GALNT2: variants seen among roughly 807,000 people sequenced by gnomAD.
GALNT2 encodes UDP-GalNAc:polypeptide N-acetylgalactosaminyltransferase 2.
Under a neutral mutation model 81.4 loss-of-function variants are expected in GALNT2, and 31 were observed. The observed-to-expected ratio is 0.38, with a 90% CI of 0.29 to 0.51. The LOEUF (loss-of-function observed/expected upper bound fraction) is 0.51. Among genes scored for constraint, GALNT2 ranks in the 20% least tolerant of loss-of-function variants. The pLI is 0.87. For missense variants in GALNT2, 629 were observed against 765.7 expected (o/e 0.82, Z 2.11); for synonymous variants, 303 against 287.4 (o/e 1.05, Z -0.55).
chr1:230,237,914 C>T (rs1665081685), intron 6 of GALNT2, among the ~76,000 whole-genome samples: 1 of 151,738 alleles, frequency 6.6e-6, no homozygotes, highest in Non-Finnish European at 1.5e-5. Flanking sequence ...CACTTATGAG[C>T]CTTATCTAAC....
chr1:230,263,271 T>C (rs1665932436), intron 13 of GALNT2: 1 of 440,526 alleles, frequency 2.3e-6, no homozygotes, highest in Admixed American at 3.6e-5. Flanking sequence ...GTTTTTGGCT[T>C]GTTCTCCATT....
rs1218758631 is a variant in GALNT2 at position 230,243,205 on chromosome 1, G to A, written c.608-101G>A. ...CAGTAATGTCCGTGCCCAGAAAGCA[G>A]GCTGCAGAGCTGCGGGCAGGGAGGC... On this transcript the variant is annotated intron_variant, in intron 6 of 15. Transcript: ENST00000366672. This position sits in a 1 kb window ranked among gnomAD's most constrained non-coding sequence, Gnocchi z 4.2. 4 of 1,438,140 alleles carry A rather than the reference G, an allele frequency of 2.8e-6. No individual in the cohort carries two copies. The highest frequency in any genetic ancestry group is 3.7e-6 in the Non-Finnish European group (4 of 1,088,368). 89.1% of individuals were successfully genotyped at this position (1,438,140 alleles called of 1,614,324 possible).
In GALNT2 at chr1:230,243,670, C is replaced by T. The variant is rs1665275249; in HGVS notation, c.729+243C>T. 6.6e-6 allele frequency among the ~76,000 whole-genome samples: 1 copy of T among 152,180 alleles called. No individual in the cohort carries two copies. Among genetic ancestry groups the T allele is most frequent in the South Asian group, 2.1e-4 (1 of 4,832 alleles). On this transcript the variant is annotated intron_variant, in intron 7 of 15. Coordinates refer to ENST00000366672, the MANE Select transcript of GALNT2 (RefSeq NM_004481.5). The surrounding 1 kb of genome is among the most constrained non-coding windows in gnomAD (Gnocchi z 4.2). ...GAACCATCCGTTGACAGGTAGGAGG[C>T]GAGGATCAGCAGAGGCTGGTGAGAG... is the stretch of plus-strand genomic sequence containing the variant.
chr1:230,112,848 C>T (rs948072281), intron 1 of GALNT2, among the ~76,000 whole-genome samples: 1 of 152,088 alleles, frequency 6.6e-6, no homozygotes, highest in Non-Finnish European at 1.5e-5. Context: ...GGCTGTGAGC[C>T]AGGACAAAAT....
At chr1:230,163,493 AGTT>A (rs1188305560) in intron 1 of GALNT2, among the ~76,000 whole-genome samples, 1 of 152,188 alleles carries the variant, frequency 6.6e-6, no homozygotes. Flanking sequence ...CTCTGGGCTC[AGTT>A]TTTGTTGAGA....
chr1:230,243,610 CT>C lies in GALNT2; in HGVS notation c.729+184del, dbSNP rs1347103912. On this transcript the variant is annotated intron_variant, in intron 7 of 15. Transcript: ENST00000366672. The surrounding 1 kb of genome is among the most constrained non-coding windows in gnomAD (Gnocchi z 4.2). Reference sequence around the variant, plus strand: ...ATGCCTTTGGGGCATTGTAGAAAGACTGTTTTACTGGCTGTAGGAATCCATC... The same window carrying C: ...ATGCCTTTGGGGCATTGTAGAAAGACGTTTTACTGGCTGTAGGAATCCATC... Among the ~76,000 whole-genome samples the C allele has an allele frequency of 6.6e-6, 1 of 152,208 alleles. No homozygotes were observed. The highest frequency in any genetic ancestry group is 1.5e-5 in the Non-Finnish European group (1 of 68,046).
At chr1:230,236,907 T>C (rs1388443854) in intron 6 of GALNT2, among the ~76,000 whole-genome samples, 182 bp downstream of exon 6, 1 of 152,276 alleles carries the variant, frequency 6.6e-6, no homozygotes. Context: ...GCTTGACTAA[T>C]TGAAATTATT....
intron 3 of GALNT2, among the ~76,000 whole-genome samples, chr1:230,212,129 C>T (rs577170797): frequency 3.3e-5 from 5 of 152,212 alleles, no homozygotes; most frequent in Admixed American, 6.5e-5. Context: ...ATGAGGCAGA[C>T]GAGAAAGGTG....
chr1:230,267,129 TTTC>T (rs1485965397), intron 14 of GALNT2, among the ~76,000 whole-genome samples: 3 of 152,252 alleles, frequency 2.0e-5, no homozygotes, highest in Non-Finnish European at 4.4e-5. Context: ...GTGCTGCTTC[TTTC>T]TTCTTTTTCT....
chr1:230,146,944 C>T lies in GALNT2; in HGVS notation c.127-31274C>T, dbSNP rs112724739. On this transcript the variant is annotated intron_variant, in intron 1 of 15. Coordinates refer to ENST00000366672, the MANE Select transcript of GALNT2 (RefSeq NM_004481.5). ...CACTGTCAGATCTCGGTGTCTGTCC[C>T]GCTGGCCGCACTGTGTGGGAGTCGT... Among the ~76,000 whole-genome samples, 1,090 of 152,152 alleles carry T rather than the reference C, an allele frequency of 7.2e-3. 11 individuals carry two copies. The highest frequency in any genetic ancestry group is 9.5e-3 in the Non-Finnish European group (648 of 68,006).
At chr1:230,113,105 C>A (rs568394100) in intron 1 of GALNT2, among the ~76,000 whole-genome samples, 1 of 152,182 alleles carries the variant, frequency 6.6e-6, no homozygotes, top group African/African-American at 2.4e-5. Context: ...AAGTGTCTTA[C>A]CCCCATGTTA....
Position 230,250,625 on chromosome 1 carries a change from A to G in GALNT2, c.1009+65A>G, listed in dbSNP as rs1665516012. ...CAGCTCTGCAAAAGGCAGGGTGCCAATTGGAAAAAAAATTTAAAAGGCTTC... is the reference window on the plus strand; with the variant it reads ...CAGCTCTGCAAAAGGCAGGGTGCCAGTTGGAAAAAAAATTTAAAAGGCTTC... On this transcript the variant is annotated intron_variant, in intron 10 of 15. Coordinates refer to ENST00000366672, the MANE Select transcript of GALNT2 (RefSeq NM_004481.5). The G allele has an allele frequency of 4.0e-6, 5 of 1,263,866 alleles. No individual in the cohort carries two copies. The South Asian group carries it at 4.3e-5, about 11-fold the overall frequency. The allele number at this position is 1,263,866 out of a possible 1,614,324, so 78.3% of individuals were successfully genotyped here.
rs1013064880 is a variant in GALNT2, at chr1:230,271,974, G to A, written c.1441-2471G>A. ...CAGCCCCGTCCAGGAGCCCATTAGAGTTGCTTCATTAGAACAAGACACTCC... is the reference window on the plus strand; with the variant it reads ...CAGCCCCGTCCAGGAGCCCATTAGAATTGCTTCATTAGAACAAGACACTCC... On this transcript the variant is annotated intron_variant, in intron 14 of 15. Transcript: ENST00000366672. The surrounding 1 kb of genome is among the most constrained non-coding windows in gnomAD (Gnocchi z 4.2). Among the ~76,000 whole-genome samples, 3 of 152,168 alleles carry A rather than the reference G, an allele frequency of 2.0e-5. No homozygotes were observed. The highest frequency in any genetic ancestry group is 2.4e-5 in the African/African-American group (1 of 41,432).
intron 1 of GALNT2, among the ~76,000 whole-genome samples, chr1:230,160,537 C>T (rs1405487375): frequency 2.0e-5 from 3 of 152,076 alleles, no homozygotes; most frequent in African/African-American, 7.2e-5. Context: ...CATGGTGAAA[C>T]CCCGTCTCTA....
chr1:230,180,436 A>G (rs908648177), intron 2 of GALNT2, among the ~76,000 whole-genome samples: 17 of 148,522 alleles, frequency 1.1e-4, no homozygotes, highest in African/African-American at 3.5e-4. Context: ...GTATGGTTCT[A>G]TATTGGAGCT....
At chr1:230,071,515 C>A (rs1420098820) in intron 1 of GALNT2, among the ~76,000 whole-genome samples, 2 of 152,170 alleles carry the variant, frequency 1.3e-5, no homozygotes, top group Non-Finnish European at 2.9e-5. Flanking sequence ...TGCTCTCCCT[C>A]TGTAGCCCTG....
In GALNT2 at chr1:230,145,182, C is replaced by A. The variant is rs890853065; in HGVS notation, c.127-33036C>A. ...CTCAGTACCAAGACTGTCCTTGGCA[C>A]CCCCTCCCCAACCCCATTCTCAGAT... On this transcript the variant is annotated intron_variant, in intron 1 of 15. Coordinates refer to ENST00000366672, the MANE Select transcript of GALNT2 (RefSeq NM_004481.5). Among the ~76,000 whole-genome samples the A allele has an allele frequency of 3.9e-5, 6 of 152,152 alleles. No individual in the cohort carries two copies. In the East Asian group the frequency reaches 9.6e-4, roughly 24 times the overall value.
At position 230,243,518 on chromosome 1, in the gene GALNT2, G is replaced by A. The variant is rs12755136; in HGVS notation, c.729+91G>A. ...CATGGTCCAGGGGAGGTGTAACGCA[G>A]GGAGTAGGGCGTCAGGGCTGGTAGG... On this transcript the variant is annotated intron_variant, in intron 7 of 15. Coordinates refer to ENST00000366672, the MANE Select transcript of GALNT2 (RefSeq NM_004481.5). This position sits in a 1 kb window ranked among gnomAD's most constrained non-coding sequence, Gnocchi z 4.2. The A allele has an allele frequency of 4.7e-6, 7 of 1,504,922 alleles. No homozygotes were observed. The highest frequency in any genetic ancestry group is 4.9e-5 in the East Asian group (2 of 40,884). The allele number at this position is 1,504,922 out of a possible 1,614,324, so 93.2% of individuals were successfully genotyped here.
At chr1:230,114,350 G>A (rs1432051468) in intron 1 of GALNT2, among the ~76,000 whole-genome samples, 1 of 152,210 alleles carries the variant, frequency 6.6e-6, no homozygotes, top group East Asian at 1.9e-4. Context: ...TGAAGACTGA[G>A]CCCTGGAAGA....
Sources: gnomAD v4.1 joint callset for allele counts (sites outside exome capture counted in the v4.1 genomes callset) on GRCh38, gnomAD v4.1.1 for gene constraint, Gnocchi (gnomAD v3.1) non-coding constraint, MANE v1.5 for transcripts, NCBI Gene and HGNC (gene_info 2026-07-23, HGNC 2026-07-21) for gene names.